Variants in ABTB2 observed in about 807,000 individuals in gnomAD.
ABTB2 encodes ankyrin repeat and BTB/POZ domain-containing protein 2.
Under a neutral mutation model 104.1 loss-of-function variants are expected in ABTB2, and 56 were observed. The ratio of observed to expected loss-of-function variants is 0.54; its 90% confidence interval spans 0.43 to 0.67. ABTB2 has a LOEUF of 0.67. ABTB2 is among the 30% of genes least tolerant of loss of function. The probability of loss-of-function intolerance (pLI) is 0.00; values close to 1 mark genes in which losing one functional copy is unlikely to be tolerated. For missense variants in ABTB2, 1,279 were observed against 1,407.7 expected (o/e 0.91, Z 1.46); for synonymous variants, 606 against 608.2 (o/e 1.00, Z 0.05).
chr11:34,239,648 C>A (rs762118461), intron 1 of ABTB2, among the ~76,000 whole-genome samples: 2 of 152,130 alleles, frequency 1.3e-5, no homozygotes, highest in Non-Finnish European at 2.9e-5. Flanking sequence ...CTTTTTTCTA[C>A]CCCCACCCGG....
chr11:34,168,665 C>G (rs1244797262), intron 5 of ABTB2, among the ~76,000 whole-genome samples: 1 of 152,238 alleles, frequency 6.6e-6, no homozygotes, highest in Non-Finnish European at 1.5e-5. Flanking sequence ...AGGAACCAGG[C>G]CTCCATAAGC....
rs115771715 is a variant in ABTB2 at position 34,187,769 on chromosome 11, G to A, written c.1244+9556C>T. 2.4e-3 allele frequency among the ~76,000 whole-genome samples: 371 copies of A among 152,274 alleles called. 4 individuals are homozygous for A. Among genetic ancestry groups the A allele is most frequent in the African/African-American group, 8.3e-3 (346 of 41,550 alleles). ...CTCCCAAAGTGCTAGGATTACAGGTGTGAGCCTCTCATCTTTCTCACTCAC... is the reference window on the plus strand; with the variant it reads ...CTCCCAAAGTGCTAGGATTACAGGTATGAGCCTCTCATCTTTCTCACTCAC... On this transcript the variant is annotated intron_variant, in intron 3 of 16. Transcript: ENST00000435224.
chr11:34,175,001 A>G (rs1258278423), intron 3 of ABTB2, among the ~76,000 whole-genome samples: 1 of 152,216 alleles, frequency 6.6e-6, no homozygotes, highest in Non-Finnish European at 1.5e-5. Context: ...GGGCTCTTGG[A>G]GCGTCCCGCC....
intron 1 of ABTB2, among the ~76,000 whole-genome samples, chr11:34,281,650 A>G (rs763297030): frequency 6.6e-6 from 1 of 152,060 alleles, no homozygotes; most frequent in Non-Finnish European, 1.5e-5. Context: ...AGTCATCCCC[A>G]CAAGGAAGCT....
At chr11:34,263,878 G>A (rs1446818495) in intron 1 of ABTB2, among the ~76,000 whole-genome samples, 2 of 152,194 alleles carry the variant, frequency 1.3e-5, no homozygotes, top group African/African-American at 4.8e-5. Flanking sequence ...ATCTGCCATG[G>A]AGGTTGCAAT....
intron 3 of ABTB2, among the ~76,000 whole-genome samples, chr11:34,192,496 C>T (rs1268368821): frequency 6.6e-6 from 1 of 152,138 alleles, no homozygotes; most frequent in Non-Finnish European, 1.5e-5. Context: ...GTTTCTAGGC[C>T]CGACCCCCAA....
intron 1 of ABTB2, among the ~76,000 whole-genome samples, chr11:34,215,104 G>A (rs909949449): frequency 1.3e-5 from 2 of 152,182 alleles, no homozygotes; most frequent in Non-Finnish European, 2.9e-5. Context: ...GCCCTGCCGT[G>A]TACCTACTGC....
chr11:34,276,547 G>A (rs61327783), intron 1 of ABTB2, among the ~76,000 whole-genome samples: 5,902 of 152,126 alleles, frequency 0.039, 329 homozygotes, highest in African/African-American at 0.12. Context: ...TCCCCCATCC[G>A]GGCCTGCCAT....
intron 3 of ABTB2, among the ~76,000 whole-genome samples, chr11:34,184,516 G>C (rs1439894885): frequency 6.6e-6 from 1 of 152,204 alleles, no homozygotes; most frequent in African/African-American, 2.4e-5. Context: ...GCGGCATTTC[G>C]TGTGGGTGAG....
intron 10 of ABTB2, among the ~76,000 whole-genome samples, chr11:34,161,617 G>C (rs1852722127): frequency 6.6e-6 from 1 of 152,206 alleles, no homozygotes; most frequent in Non-Finnish European, 1.5e-5. Context: ...CCAGCACACA[G>C]AGCACTGGAA....
intron 1 of ABTB2, among the ~76,000 whole-genome samples, chr11:34,247,093 C>T (rs1853995005): frequency 1.3e-5 from 2 of 152,126 alleles, no homozygotes; most frequent in Admixed American, 6.5e-5. Context: ...GTGATCCGCC[C>T]ACCTCAGCCT....
At chr11:34,350,616 A>G (rs1168273276) in intron 1 of ABTB2, among the ~76,000 whole-genome samples, 1 of 152,086 alleles carries the variant, frequency 6.6e-6, no homozygotes, top group Non-Finnish European at 1.5e-5. Flanking sequence ...AGGAAGATAC[A>G]CCCCTGGGTG....
chr11:34,272,790 C>T (rs979032643), intron 1 of ABTB2, among the ~76,000 whole-genome samples: 3 of 148,336 alleles, frequency 2.0e-5, no homozygotes, highest in South Asian at 2.1e-4. Context: ...ATCATTTTAT[C>T]GTATATATGG....
intron 3 of ABTB2, among the ~76,000 whole-genome samples, chr11:34,187,499 C>CTTT (rs33924050): frequency 0.063 from 8,895 of 140,572 alleles, 820 homozygotes; most frequent in African/African-American, 0.2. Flanking sequence ...TCTTCTTTGC[C>CTTT]TTTTTTTTTT....
At chr11:34,326,212 C>T (rs549283293) in intron 1 of ABTB2, among the ~76,000 whole-genome samples, 6 of 151,918 alleles carry the variant, frequency 3.9e-5, no homozygotes, top group South Asian at 4.2e-4. Context: ...AGGAAAATAC[C>T]GATTCTAAGT....
At chr11:34,326,707 A>C (rs1855075073) in intron 1 of ABTB2, among the ~76,000 whole-genome samples, 1 of 152,180 alleles carries the variant, frequency 6.6e-6, no homozygotes, top group Non-Finnish European at 1.5e-5. Context: ...ACAAACAGAA[A>C]CAAATAATAA....
intron 2 of ABTB2, among the ~76,000 whole-genome samples, chr11:34,200,363 G>C (rs2133038308): frequency 6.6e-6 from 1 of 152,298 alleles, no homozygotes. Context: ...AATCAAGAAA[G>C]AAATGGAATC....
At chr11:34,211,889 T>TG (rs1853484572) in intron 1 of ABTB2, among the ~76,000 whole-genome samples, 1 of 113,028 alleles carries the variant, frequency 8.8e-6, no homozygotes, top group Non-Finnish European at 1.7e-5. Flanking sequence ...GGTGACAGAG[T>TG]GAGACCCTGT....
At chr11:34,284,434 T>G (rs1854481586) in intron 1 of ABTB2, among the ~76,000 whole-genome samples, 1 of 152,220 alleles carries the variant, frequency 6.6e-6, no homozygotes, top group Non-Finnish European at 1.5e-5. Context: ...CCTCTTTGTA[T>G]AACCAGAATC....
Sources: allele counts gnomAD v4.1 joint callset (sites outside exome capture counted in the v4.1 genomes callset), GRCh38; gene constraint gnomAD v4.1.1; transcripts MANE v1.5; gene names NCBI Gene and HGNC (gene_info 2026-07-23, HGNC 2026-07-21).